ARHGEF10L: variants seen among roughly 807,000 people sequenced by gnomAD.
The protein encoded by ARHGEF10L is Rho guanine nucleotide exchange factor 10 like, also known as rho guanine nucleotide exchange factor 10-like protein.
A neutral mutation model predicts 141.2 loss-of-function variants in ARHGEF10L; 69 were observed. The ratio of observed to expected loss-of-function variants is 0.49; its 90% CI spans 0.40 to 0.60. The LOEUF is 0.60. ARHGEF10L is among the 20% of genes least tolerant of loss of function. The pLI is 0.00. For missense variants in ARHGEF10L, 1,482 were observed against 1,734.3 expected, an observed-to-expected ratio of 0.85 and a Z score of 2.58; for synonymous variants, 711 against 718.5, an observed-to-expected ratio of 0.99 and a Z score of 0.17.
upstream of ARHGEF10L, among the ~76,000 whole-genome samples, chr1:17,535,458 G>C (rs1463131830): frequency 6.6e-6 from 1 of 152,214 alleles, no homozygotes; most frequent in African/African-American, 2.4e-5. Context: ...CTGACTGGTG[G>C]GAGCGGGGCC....
intron 21 of ARHGEF10L, among the ~76,000 whole-genome samples, chr1:17,641,708 G>A (rs2061336647): frequency 6.6e-6 from 1 of 151,968 alleles, no homozygotes; most frequent in Non-Finnish European, 1.5e-5. Context: ...GCTGGGCGTG[G>A]TGGCTCGCGC....
chr1:17,594,931 G>A (rs1332886532), intron 4 of ARHGEF10L, among the ~76,000 whole-genome samples: 1 of 152,088 alleles, frequency 6.6e-6, no homozygotes, highest in African/African-American at 2.4e-5. Context: ...AGCTGTCTGG[G>A]GCTGACTCCA....
At chr1:17,649,697 A>T (rs969583370) in intron 22 of ARHGEF10L, among the ~76,000 whole-genome samples, 1 of 152,224 alleles carries the variant, frequency 6.6e-6, no homozygotes, top group Admixed American at 6.5e-5. Flanking sequence ...CAAAGGAAAT[A>T]GAAAAGAGTG....
intron 1 of ARHGEF10L, among the ~76,000 whole-genome samples, chr1:17,569,415 T>G (rs1426332397): frequency 1.3e-5 from 2 of 152,224 alleles, no homozygotes; most frequent in Admixed American, 6.5e-5. Flanking sequence ...TGGGGCTCCA[T>G]GCTGGGCTTG....
intron 1 of ARHGEF10L, among the ~76,000 whole-genome samples, chr1:17,570,039 T>A (rs58780770): frequency 0.058 from 8,870 of 152,130 alleles, 434 homozygotes; most frequent in East Asian, 0.15. Context: ...CTGTCCTGGG[T>A]GCAGGCTGGT....
Position 17,627,403 on chromosome 1 carries a change from C to T in ARHGEF10L, c.1484C>T (p.Thr495Met), listed in dbSNP as rs747683250. 10 of 1,613,950 alleles carry T rather than the reference C, an allele frequency of 6.2e-6. No homozygotes were observed. The highest frequency in any genetic ancestry group is 5.3e-5 in the African/African-American group (4 of 74,938). The change falls in exon 15 of 29, where the codon ACG becomes ATG. Residue 495 changes from threonine to methionine, a missense_variant. Around this residue, in one of 3 missense-constraint regions of ARHGEF10L, gnomAD observed 392 missense variants for 542.1 expected, o/e 0.72. Transcript: ENST00000361221. This position sits in a 1 kb window ranked among gnomAD's most constrained non-coding sequence, Gnocchi z 4.0. Reference protein sequence around the residue: ...SLQLALTELETLAEKLNEQKR... With the variant: ...SLQLALTELEMLAEKLNEQKR... The stretch of plus-strand genomic sequence containing the variant: ...CAGCTGGCCCTCACAGAGCTGGAGA[C>T]GCTGGCTGAGAAGCTGAACGAGCAG...
rs2081270624 is a variant in ARHGEF10L, at chr1:17,607,352, G to C, written c.434-450G>C. ...TAGCTGGGTGTGATGGTGCACACCTGTAGTCCCGGCTACCTGGGAAGCTGA... is the reference window on the plus strand; with the variant it reads ...TAGCTGGGTGTGATGGTGCACACCTCTAGTCCCGGCTACCTGGGAAGCTGA... On this transcript the variant is annotated intron_variant, in intron 6 of 28. Coordinates refer to ENST00000361221, the MANE Select transcript of ARHGEF10L (RefSeq NM_018125.4). The surrounding 1 kb of genome is among the most constrained non-coding windows in gnomAD (Gnocchi z 4.5). Among the ~76,000 whole-genome samples the C allele has an allele frequency of 6.6e-6, 1 of 152,166 alleles. No individual in the cohort carries two copies.
Position 17,648,569 on chromosome 1 carries a change from C to T in ARHGEF10L, c.2288C>T (p.Pro763Leu). The T allele has an allele frequency of 6.2e-7, 1 of 1,613,782 alleles. No individual in the cohort carries two copies. The highest frequency in any genetic ancestry group is 8.5e-7 in the Non-Finnish European group (1 of 1,180,008). ...AKIGLREENQ[P>L]GWLCPDEDKK... The stretch of plus-strand genomic sequence containing the variant: ...CTTGCTGTAGGGGAGGAGAACCAGC[C>T]AGGCTGGCTATGCCCGGATGAGGAC... The change falls in exon 22 of 29, where the codon CCA becomes CTA. Residue 763 changes from proline (P) to leucine (L), a missense_variant. Physicochemically the swap from Pro to Leu is moderately conservative, Grantham distance 98 (BLOSUM62 -3). Transcript: ENST00000361221.
chr1:17,684,161 C>T (rs991946402), intron 26 of ARHGEF10L, among the ~76,000 whole-genome samples: 2 of 152,232 alleles, frequency 1.3e-5, no homozygotes, highest in Admixed American at 6.5e-5. Flanking sequence ...CCCTTGGCCT[C>T]ACTGTCCTCA....
In ARHGEF10L at chr1:17,620,568, G is replaced by A. The variant is rs548756192; in HGVS notation, c.942+1123G>A. 1.1e-4 allele frequency among the ~76,000 whole-genome samples: 17 copies of A among 152,328 alleles called. 1 individual carries two copies. The South Asian group carries it at 3.3e-3, about 30-fold the overall frequency. On this transcript the variant is annotated intron_variant, in intron 10 of 28. Coordinates refer to ENST00000361221, the MANE Select transcript of ARHGEF10L (RefSeq NM_018125.4). ...AGTGGTCTTGCCATCTGCTGGGACT[G>A]TGTGGCCAGGCCATGGCCAGGCCTG...
At chr1:17,518,387 C>T in the ARHGEF10L span, among the ~76,000 whole-genome samples, 2 of 152,290 alleles carry the variant, frequency 1.3e-5, no homozygotes, top group Admixed American at 1.3e-4. Flanking sequence ...ATTAGAAGGG[C>T]AGAGCAAGTG....
At position 17,656,179 on chromosome 1, in the gene ARHGEF10L, C is replaced by A. The variant is rs1571306694; in HGVS notation, c.2705+77C>A. ...GGGTGGGGGCTGTCCCTGTAGCCTT[C>A]CGGATCTGCCTGTTGCCCACCAACA... On this transcript the variant is annotated intron_variant, in intron 24 of 28. Transcript: ENST00000361221. This position sits in a 1 kb window ranked among gnomAD's most constrained non-coding sequence, Gnocchi z 4.9. The A allele has an allele frequency of 6.9e-7, 1 of 1,443,596 alleles. No homozygotes were observed. The highest frequency in any genetic ancestry group is 2.5e-5 in the East Asian group (1 of 40,214). 89.4% of individuals were successfully genotyped at this position (1,443,596 alleles called of 1,614,324 possible).
chr1:17,602,194 T>G lies in ARHGEF10L; in HGVS notation c.325T>G (p.Trp109Gly). Reference sequence around the variant, plus strand: ...CTTCTCCGGGGCCCGGCACTCCAGCTGGAAGCGGAAGAGTTCCCGTCGCAG... The same window carrying G: ...CTTCTCCGGGGCCCGGCACTCCAGCGGGAAGCGGAAGAGTTCCCGTCGCAG... ...AAFSGARHSS[W>G]KRKSSRRIDR... The change falls in exon 5 of 29, where the codon TGG becomes GGG. Residue 109 changes from tryptophan (W) to glycine (G), a missense_variant. Trp to Gly is a radical substitution (Grantham distance 184, BLOSUM62 -2). This residue lies in a region of ARHGEF10L where 232 missense variants were observed against 225.9 expected (regional missense o/e 1.03). Coordinates refer to ENST00000361221, the MANE Select transcript of ARHGEF10L (RefSeq NM_018125.4). 1 of 1,578,796 alleles carries G rather than the reference T, an allele frequency of 6.3e-7. No homozygotes were observed. The highest frequency in any genetic ancestry group is 8.6e-7 in the Non-Finnish European group (1 of 1,162,102).
At chr1:17,613,328 G>T (rs2059643558) in intron 8 of ARHGEF10L, among the ~76,000 whole-genome samples, 154 bp downstream of exon 8, 1 of 152,188 alleles carries the variant, frequency 6.6e-6, no homozygotes, top group Non-Finnish European at 1.5e-5. Flanking sequence ...GGCCACCCTT[G>T]CATCTGTGCT....
intron 26 of ARHGEF10L, among the ~76,000 whole-genome samples, chr1:17,679,899 C>T (rs1571505698): frequency 6.6e-6 from 1 of 152,216 alleles, no homozygotes; most frequent in East Asian, 1.9e-4. Flanking sequence ...ATCTCTGGGC[C>T]CACGACTGTG....
At position 17,623,082 on chromosome 1, in the gene ARHGEF10L, C is replaced by A. The variant is rs758021105; in HGVS notation, c.1107C>A (p.Ile369=). 14 of 1,614,078 alleles carry A rather than the reference C, an allele frequency of 8.7e-6. No individual in the cohort carries two copies. The highest frequency in any genetic ancestry group is 1.2e-5 in the Non-Finnish European group (14 of 1,180,040). Residue 369 remains isoleucine, a synonymous_variant, in exon 12 of 29, where the codon ATC becomes ATA. Transcript: ENST00000361221. This position sits in a 1 kb window ranked among gnomAD's most constrained non-coding sequence, Gnocchi z 4.7. ...CQVVFFRVKE[I]LHCHSMFQIA... is the part of the protein sequence containing the mutation. Reference sequence around the variant, plus strand: ...TGGTGTTCTTCCGCGTGAAGGAGATCCTGCACTGCCACTCCATGTTCCAGA... The same window carrying A: ...TGGTGTTCTTCCGCGTGAAGGAGATACTGCACTGCCACTCCATGTTCCAGA...
intron 1 of ARHGEF10L, among the ~76,000 whole-genome samples, chr1:17,565,904 G>A (rs898398483): frequency 1.3e-5 from 2 of 152,110 alleles, no homozygotes; most frequent in African/African-American, 4.8e-5. Context: ...CGGATGCTGG[G>A]CCAGGTGGTG....
At chr1:17,593,806 G>T (rs569025299) in intron 4 of ARHGEF10L, among the ~76,000 whole-genome samples, 4 of 151,968 alleles carry the variant, frequency 2.6e-5, no homozygotes, top group African/African-American at 9.7e-5. Context: ...AAACTAACAC[G>T]ACAGCCCTGG....
At position 17,697,826 on chromosome 1, in the gene ARHGEF10L, A is replaced by C. The variant is rs559188249; in HGVS notation, c.*446A>C. ...TATAAATAAAGTCTGTACATATTGG[A>C]GCTCTGGGAGATGCTGGAATAAAAG... On this transcript the variant is annotated 3_prime_UTR_variant, in exon 29 of 29. Transcript: ENST00000361221. The surrounding 1 kb of genome is among the most constrained non-coding windows in gnomAD (Gnocchi z 4.8). The C allele has an allele frequency of 1.4e-4, 33 of 242,422 alleles. No individual in the cohort carries two copies. The highest frequency in any genetic ancestry group is 1.2e-3 in the East Asian group (12 of 9,896). 15.0% of individuals were successfully genotyped at this position (242,422 alleles called of 1,614,324 possible). A position where few individuals can be genotyped will look rare whatever the true frequency, so the allele number is the denominator to read the frequency against.
Sources: allele counts gnomAD v4.1 joint callset (sites outside exome capture counted in the v4.1 genomes callset), GRCh38; gene constraint gnomAD v4.1.1; regional missense constraint gnomAD v4.1.1; non-coding constraint Gnocchi (gnomAD v3.1); transcripts MANE v1.5; gene names NCBI Gene and HGNC (gene_info 2026-07-23, HGNC 2026-07-21).